Variants in FAT3 observed in about 807,000 individuals in gnomAD.
The protein encoded by FAT3 is FAT atypical cadherin 3.
Under a neutral mutation model 310.2 loss-of-function variants are expected in FAT3, and 95 were observed. The ratio of observed to expected loss-of-function variants is 0.31; its 90% CI spans 0.26 to 0.36. The LOEUF (loss-of-function observed/expected upper bound fraction) is 0.36, where lower values mean the gene tolerates loss of function less well. FAT3 is among the 10% of genes least tolerant of loss of function. The probability of loss-of-function intolerance (pLI) is 1.00; values close to 1 mark genes in which losing one functional copy is unlikely to be tolerated. For missense variants in FAT3, 5,408 were observed against 5,715.6 expected, an observed-to-expected ratio of 0.95 and a Z score of 1.74; for synonymous variants, 2,314 against 2,192.9, an observed-to-expected ratio of 1.06 and a Z score of -1.54.
At chr11:92,773,150 A>AGGG in intron 6 of FAT3, among the ~76,000 whole-genome samples, 1 of 152,140 alleles carries the variant, frequency 6.6e-6, no homozygotes, top group South Asian at 2.1e-4. Flanking sequence ...TCCCCCTCAA[A>AGGG]AAAATCTTTC....
chr11:92,527,580 A>G (rs1953910211), intron 3 of FAT3, among the ~76,000 whole-genome samples: 1 of 152,204 alleles, frequency 6.6e-6, no homozygotes, highest in Non-Finnish European at 1.5e-5. Flanking sequence ...TGTAAGAGTC[A>G]TGTTATGCCT....
chr11:92,574,155 C>T, intron 3 of FAT3, among the ~76,000 whole-genome samples: 1 of 152,162 alleles, frequency 6.6e-6, no homozygotes, highest in East Asian at 1.9e-4. Context: ...CTGGTTGTCA[C>T]AGTCAGCCCC....
At chr11:92,236,249 A>T (rs565487657) in intron 1 of FAT3, among the ~76,000 whole-genome samples, 1 of 152,332 alleles carries the variant, frequency 6.6e-6, no homozygotes, top group East Asian at 1.9e-4. Context: ...GGGCAAGAAG[A>T]TCTTTCTTTA....
chr11:92,696,062 A>C (rs1943929848), intron 3 of FAT3, among the ~76,000 whole-genome samples: 1 of 152,144 alleles, frequency 6.6e-6, no homozygotes, highest in Non-Finnish European at 1.5e-5. Flanking sequence ...CACTTGATTT[A>C]ATTATTTCAC....
chr11:92,552,740 G>C (rs1193187165), intron 3 of FAT3, among the ~76,000 whole-genome samples: 8 of 151,744 alleles, frequency 5.3e-5, no homozygotes, highest in Non-Finnish European at 1.0e-4. Context: ...ATCTAACATG[G>C]TCCCTGACAC....
intron 2 of FAT3, among the ~76,000 whole-genome samples, chr11:92,490,624 C>T (rs1334537802): frequency 6.6e-6 from 1 of 151,872 alleles, no homozygotes; most frequent in Non-Finnish European, 1.5e-5. Context: ...TTCAAATCAT[C>T]CTCCCAAAGA....
intron 3 of FAT3, among the ~76,000 whole-genome samples, chr11:92,563,798 A>G (rs1428385365): frequency 6.6e-6 from 1 of 152,134 alleles, no homozygotes; most frequent in Non-Finnish European, 1.5e-5. Context: ...AGCTTCATAA[A>G]TGAAGGAGAA....
At chr11:92,701,022 T>G (rs974503903) in intron 4 of FAT3, among the ~76,000 whole-genome samples, 1 of 152,228 alleles carries the variant, frequency 6.6e-6, no homozygotes, top group Non-Finnish European at 1.5e-5. Flanking sequence ...CACAAAATTT[T>G]GAAACTGCTG....
At chr11:92,241,668 C>T (rs1864672887) in intron 1 of FAT3, among the ~76,000 whole-genome samples, 2 of 151,928 alleles carry the variant, frequency 1.3e-5, no homozygotes, top group Admixed American at 1.3e-4. Context: ...GAATCAACTA[C>T]CTTTAACGAA....
intron 1 of FAT3, among the ~76,000 whole-genome samples, chr11:92,279,442 A>G (rs1946364741): frequency 6.6e-6 from 1 of 151,996 alleles, no homozygotes; most frequent in Non-Finnish European, 1.5e-5. Flanking sequence ...TATTGAACAC[A>G]TGTTATGTAT....
chr11:92,676,279 T>C (rs1943286291), intron 3 of FAT3, among the ~76,000 whole-genome samples: 1 of 152,216 alleles, frequency 6.6e-6, no homozygotes, highest in African/African-American at 2.4e-5. Flanking sequence ...TGCTTCAGGC[T>C]TCATGCTAGA....
At chr11:92,243,586 T>G (rs534876613) in intron 1 of FAT3, among the ~76,000 whole-genome samples, 1 of 152,232 alleles carries the variant, frequency 6.6e-6, no homozygotes, top group South Asian at 2.1e-4. Flanking sequence ...TTTATTGTTC[T>G]AGCAATCTGC....
Position 92,774,022 on chromosome 11 carries a change from G to A in FAT3, c.4196-19G>A, listed in dbSNP as rs1591714417. The A allele has an allele frequency of 2.5e-6, 4 of 1,611,222 alleles. No homozygotes were observed. The East Asian group carries it at 8.9e-5, about 36-fold the overall frequency. On this transcript the variant is annotated intron_variant, in intron 6 of 27. Coordinates refer to ENST00000525166, the MANE Select transcript of FAT3 (RefSeq NM_001367949.2). ...AAGTTATCAGATTTGCTAATTTCAT[G>A]TTTCTGTGAAATCATCAGGGGGGAA...
intron 2 of FAT3, among the ~76,000 whole-genome samples, chr11:92,454,852 C>A (rs555285363): frequency 6.6e-6 from 1 of 151,596 alleles, no homozygotes; most frequent in African/African-American, 2.4e-5. Flanking sequence ...TTTTTTTCCA[C>A]GTGCCAAGCC....
At chr11:92,729,397 T>G (rs548572721) in intron 4 of FAT3, among the ~76,000 whole-genome samples, 1 of 152,222 alleles carries the variant, frequency 6.6e-6, no homozygotes. Flanking sequence ...GTCATCACAC[T>G]TATGAACTGC....
intron 4 of FAT3, among the ~76,000 whole-genome samples, chr11:92,752,750 C>T (rs1211287115): frequency 6.6e-6 from 1 of 152,170 alleles, no homozygotes; most frequent in Non-Finnish European, 1.5e-5. Flanking sequence ...CCAAAATAAG[C>T]ATAGTCATCG....
intron 1 of FAT3, among the ~76,000 whole-genome samples, chr11:92,299,996 A>G (rs947934): frequency 0.66 from 100,597 of 151,944 alleles, 33,417 homozygotes; most frequent in Admixed American, 0.69. Flanking sequence ...ACATTCAACA[A>G]ACATTATTAA....
At chr11:92,756,241 A>G (rs935612124) in intron 4 of FAT3, among the ~76,000 whole-genome samples, 10 of 152,248 alleles carry the variant, frequency 6.6e-5, no homozygotes, top group South Asian at 4.1e-4. Context: ...TTGTACATAC[A>G]TACCTATGAC....
intron 3 of FAT3, among the ~76,000 whole-genome samples, chr11:92,579,684 A>G (rs546855828): frequency 1.3e-5 from 2 of 152,218 alleles, no homozygotes; most frequent in Non-Finnish European, 2.9e-5. Flanking sequence ...CTTTAAAGAA[A>G]AAAAATACCA....
Sources: gnomAD v4.1 joint callset for allele counts (sites outside exome capture counted in the v4.1 genomes callset) on GRCh38, gnomAD v4.1.1 for gene constraint, MANE v1.5 for transcripts, NCBI Gene and HGNC (gene_info 2026-07-23, HGNC 2026-07-21) for gene names.